The following DENND6A variants were observed in gnomAD, a reference collection of about 807,000 sequenced individuals.
DENND6A encodes the protein protein DENND6A.
In DENND6A, 43 loss-of-function variants were observed where a neutral mutation model predicts 95.5. The observed-to-expected ratio is 0.45, with a 90% CI of 0.35 to 0.58. The LOEUF (loss-of-function observed/expected upper bound fraction) is 0.58. DENND6A is among the 20% of genes least tolerant of loss of function. The pLI is 0.00. For synonymous variants in DENND6A, 257 were observed against 260.4 expected (o/e 0.99, Z 0.13); for missense variants, 574 against 736.0 (o/e 0.78, Z 2.55).
At chr3:57,659,545 AG>A (rs2153415414) in intron 7 of DENND6A, among the ~76,000 whole-genome samples, 1 of 152,350 alleles carries the variant, frequency 6.6e-6, no homozygotes, top group East Asian at 1.9e-4. Flanking sequence ...TAAATCTCAC[AG>A]GAAACAATGA....
At chr3:57,646,179 T>A in intron 10 of DENND6A, 137 bp downstream of exon 10, 1 of 1,243,396 alleles carries the variant, frequency 8.0e-7, no homozygotes, top group Non-Finnish European at 1.1e-6. Flanking sequence ...TACCTTCTGA[T>A]AGGGTTTTTG....
chr3:57,635,553 C>T (rs1218368020), intron 12 of DENND6A, among the ~76,000 whole-genome samples: 2 of 152,210 alleles, frequency 1.3e-5, no homozygotes, highest in East Asian at 3.9e-4. Context: ...GAAAGACAAT[C>T]TAGAGATTAT....
intron 1 of DENND6A, among the ~76,000 whole-genome samples, chr3:57,680,217 C>A (rs2077150762): frequency 6.6e-6 from 1 of 152,204 alleles, no homozygotes; most frequent in South Asian, 2.1e-4. Flanking sequence ...AATACATCTT[C>A]ACAACCTTGA....
At chr3:57,673,399 T>C (rs1487545356) in intron 1 of DENND6A, among the ~76,000 whole-genome samples, 2 of 151,748 alleles carry the variant, frequency 1.3e-5, no homozygotes, top group East Asian at 3.9e-4. Flanking sequence ...AGAATAATGA[T>C]GGTAAGTTAC....
intron 9 of DENND6A, among the ~76,000 whole-genome samples, chr3:57,655,323 G>A (rs867616515): frequency 1.3e-5 from 2 of 152,220 alleles, no homozygotes; most frequent in Non-Finnish European, 2.9e-5. Flanking sequence ...GTGAGCCACT[G>A]CATCTGGCGG....
chr3:57,640,087 G>A (rs1402136342), intron 12 of DENND6A, among the ~76,000 whole-genome samples: 14 of 151,468 alleles, frequency 9.2e-5, no homozygotes, highest in African/African-American at 2.9e-4. Context: ...TGGCCAACAT[G>A]GTGAAACCCC....
chr3:57,652,220 C>T (rs1453715837), intron 9 of DENND6A, among the ~76,000 whole-genome samples: 2 of 152,082 alleles, frequency 1.3e-5, no homozygotes, highest in South Asian at 2.1e-4. Flanking sequence ...CTGAGTCATA[C>T]GGGACACTGT....
At position 57,662,039 on chromosome 3, in the gene DENND6A, T is replaced by TC. The variant is rs1421798763; in HGVS notation, c.514-489_514-488insG. On this transcript the variant is annotated intron_variant, in intron 5 of 19. Coordinates refer to ENST00000311128, the MANE Select transcript of DENND6A (RefSeq NM_152678.3). ...ATCCCAATTTTTAAACATTTTTTTTTTTTCTTAAAAACCACTTTTTATCTT... is the reference window on the plus strand; with the variant it reads ...ATCCCAATTTTTAAACATTTTTTTTTCTTTCTTAAAAACCACTTTTTATCTT... Among the ~76,000 whole-genome samples the TC allele has an allele frequency of 2.6e-5, 4 of 152,088 alleles. No homozygotes were observed. The East Asian group carries it at 7.7e-4, about 29-fold the overall frequency.
intron 3 of DENND6A, among the ~76,000 whole-genome samples, chr3:57,670,176 G>T (rs1025042091): frequency 3.3e-5 from 5 of 152,106 alleles, no homozygotes; most frequent in Non-Finnish European, 5.9e-5. Flanking sequence ...TAGCCTTGAT[G>T]TATGCATGCG....
At chr3:57,671,033 C>T (rs1000420139) in intron 3 of DENND6A, among the ~76,000 whole-genome samples, 2 of 152,162 alleles carry the variant, frequency 1.3e-5, no homozygotes, top group African/African-American at 2.4e-5. Context: ...GAAAAAACCC[C>T]TTACTGGGAT....
intron 9 of DENND6A, among the ~76,000 whole-genome samples, chr3:57,655,855 A>C (rs559367894): frequency 6.6e-6 from 1 of 152,228 alleles, no homozygotes; most frequent in Admixed American, 6.5e-5. Flanking sequence ...AATAAAGCGT[A>C]AGACTCATAC....
At chr3:57,683,822 T>C (rs555794032) in intron 1 of DENND6A, among the ~76,000 whole-genome samples, 34 of 152,302 alleles carry the variant, frequency 2.2e-4, no homozygotes, top group African/African-American at 8.2e-4. Flanking sequence ...TCCTGGCTTA[T>C]TAAGCAAGTG....
Position 57,633,318 on chromosome 3 carries a change from C to T in DENND6A, c.1300G>A (p.Val434Ile). ...TCCAAAAAATAGCGTCGAAGAATAA[C>T]ACTTTGAGCCTCAGAAGGACGTTTC... Reference protein sequence around the residue: ...QQKRPSEAQSVILRRYFLELT... With the variant: ...QQKRPSEAQSIILRRYFLELT... The change falls in exon 15 of 20, where the codon GTT (valine) becomes ATT (isoleucine). Residue 434 changes from valine (V) to isoleucine (I), a missense_variant. Physicochemically the swap from Val to Ile is conservative, Grantham distance 29. Transcript: ENST00000311128. 1 of 1,613,762 alleles carries T rather than the reference C, an allele frequency of 6.2e-7. No homozygotes were observed. The highest frequency in any genetic ancestry group is 1.7e-4 in the Middle Eastern group (1 of 6,028).
chr3:57,634,432 C>T, intron 14 of DENND6A, 126 bp downstream of exon 14: 3 of 333,862 alleles, frequency 9.0e-6, no homozygotes, highest in Non-Finnish European at 1.4e-5. Flanking sequence ...GACTCTGTCT[C>T]CCAAAAAAAA....
At chr3:57,632,809 C>T (rs954496196) in intron 15 of DENND6A, among the ~76,000 whole-genome samples, 1 of 152,030 alleles carries the variant, frequency 6.6e-6, no homozygotes, top group African/African-American at 2.4e-5. Context: ...GCCAGTCTGA[C>T]GAATTAATAA....
Position 57,649,767 on chromosome 3 carries a change from C to A in DENND6A, c.819-3329G>T, listed in dbSNP as rs186243927. On this transcript the variant is annotated intron_variant, in intron 9 of 19. Transcript: ENST00000311128. ...CCTTCTGCATGGATACCCTCCTTAC[C>A]CTGCTCACTCTCTGATTCTCCTTGT... Among the ~76,000 whole-genome samples, 57 of 151,804 alleles carry A rather than the reference C, an allele frequency of 3.8e-4. No homozygotes were observed. In the East Asian group the frequency reaches 7.2e-3, roughly 19 times the overall value.
chr3:57,692,249 A>AC (rs1206071502), intron 1 of DENND6A, among the ~76,000 whole-genome samples: 3 of 151,200 alleles, frequency 2.0e-5, no homozygotes, highest in African/African-American at 7.3e-5. Flanking sequence ...AAAAAAAAAA[A>AC]ACAGAAATGA....
chr3:57,674,607 C>T (rs995017030), intron 1 of DENND6A, among the ~76,000 whole-genome samples: 12 of 152,122 alleles, frequency 7.9e-5, no homozygotes, highest in Middle Eastern at 6.3e-3. Context: ...CACTGCACTC[C>T]AGCCTGGGCT....
At chr3:57,688,507 GC>G (rs1425356144) in intron 1 of DENND6A, among the ~76,000 whole-genome samples, 1 of 151,948 alleles carries the variant, frequency 6.6e-6, no homozygotes, top group Admixed American at 6.6e-5. Flanking sequence ...CCCATGCTGA[GC>G]CAATCAGATA....
Sources: allele counts gnomAD v4.1 joint callset (sites outside exome capture counted in the v4.1 genomes callset), GRCh38; gene constraint gnomAD v4.1.1; transcripts MANE v1.5; gene names NCBI Gene and HGNC (gene_info 2026-07-23, HGNC 2026-07-21).